Variants in LRP1B observed in about 807,000 individuals in gnomAD.
The protein encoded by LRP1B is LDL receptor related protein 1B, also known as low-density lipoprotein receptor-related protein 1B.
A neutral mutation model predicts 556.6 loss-of-function variants in LRP1B; 217 were observed. That is an observed-to-expected ratio of 0.39 (90% confidence interval 0.35 to 0.44). LRP1B has a LOEUF of 0.44. Among genes scored for constraint, LRP1B ranks in the 20% least tolerant of loss-of-function variants. The pLI, the probability that LRP1B is intolerant of heterozygous loss-of-function variation, is 1.00. For missense variants in LRP1B, 5,053 were observed against 5,620.8 expected (o/e 0.90, Z 3.23); for synonymous variants, 2,047 against 1,865.8 (o/e 1.10, Z -2.50).
intron 2 of LRP1B, among the ~76,000 whole-genome samples, chr2:141,488,020 G>A (rs1574003947): frequency 1.3e-5 from 2 of 152,272 alleles, no homozygotes; most frequent in South Asian, 2.1e-4. Flanking sequence ...GCAAAGGGGA[G>A]TTTTTTGTGG....
intron 3 of LRP1B, among the ~76,000 whole-genome samples, chr2:141,402,212 G>T (rs1314788745): frequency 6.6e-6 from 1 of 151,822 alleles, no homozygotes; most frequent in Non-Finnish European, 1.5e-5. Context: ...ATCATATTTT[G>T]CTTTCTGTTT....
chr2:141,420,240 C>T (rs1680088746), intron 3 of LRP1B, among the ~76,000 whole-genome samples: 1 of 152,270 alleles, frequency 6.6e-6, no homozygotes, highest in East Asian at 1.9e-4. Context: ...GATGAGTTGA[C>T]CATTTTATAA....
intron 1 of LRP1B, among the ~76,000 whole-genome samples, chr2:142,051,434 G>C (rs1443437113): frequency 2.0e-5 from 3 of 151,138 alleles, no homozygotes; most frequent in African/African-American, 7.3e-5. Context: ...GTGGAAAAAA[G>C]TAACTAATAG....
chr2:141,691,581 C>A (rs1056805257), intron 2 of LRP1B, among the ~76,000 whole-genome samples: 1 of 150,962 alleles, frequency 6.6e-6, no homozygotes, highest in Non-Finnish European at 1.5e-5. Flanking sequence ...TATGTCAAAG[C>A]AAATGCGGGG....
intron 88 of LRP1B, 26 bp from the exon 89 acceptor site, chr2:140,238,322 G>C (rs2104882134): frequency 2.4e-6 from 3 of 1,266,696 alleles, no homozygotes; most frequent in African/African-American, 1.5e-5. Flanking sequence ...ATTAATATGT[G>C]TGAGTTTTGT....
intron 6 of LRP1B, among the ~76,000 whole-genome samples, chr2:141,192,815 T>G (rs1681577554): frequency 6.6e-6 from 1 of 152,014 alleles, no homozygotes; most frequent in South Asian, 2.1e-4. Flanking sequence ...AATAAAAATA[T>G]TTTGAAACTT....
chr2:140,297,785 T>G (rs1455104258), intron 84 of LRP1B, 23 bp downstream of exon 84: 3 of 1,593,878 alleles, frequency 1.9e-6, no homozygotes, highest in Non-Finnish European at 2.6e-6. Flanking sequence ...CAAAGCTGGC[T>G]TCTGGGTGCT....
chr2:141,464,373 A>G (rs778038090), intron 3 of LRP1B, among the ~76,000 whole-genome samples: 43 of 151,080 alleles, frequency 2.8e-4, no homozygotes, highest in Non-Finnish European at 2.2e-4. Context: ...TGGAATGTGT[A>G]TTGGATATAC....
chr2:141,971,656 C>T (rs1026499831), intron 1 of LRP1B, among the ~76,000 whole-genome samples: 1 of 151,398 alleles, frequency 6.6e-6, no homozygotes, highest in Non-Finnish European at 1.5e-5. Flanking sequence ...GCCCATAAGG[C>T]ATCAGTGAAA....
rs188113798 is a variant in LRP1B at position 141,481,001 on chromosome 2, A to G, written c.206-468T>C. 2.8e-4 allele frequency among the ~76,000 whole-genome samples: 42 copies of G among 152,306 alleles called. 1 individual carries two copies. The highest frequency in any genetic ancestry group is 5.3e-4 in the Non-Finnish European group (36 of 68,016). ...CATTTACTTGAAGTTATGTCAATCTAAAGGTTATATTTAGTCTGTTCTTTA... is the reference window on the plus strand; with the variant it reads ...CATTTACTTGAAGTTATGTCAATCTGAAGGTTATATTTAGTCTGTTCTTTA... On this transcript the variant is annotated intron_variant, in intron 2 of 90. Coordinates refer to ENST00000389484, the MANE Select transcript of LRP1B (RefSeq NM_018557.3).
chr2:142,095,705 T>C (rs1706336707), intron 1 of LRP1B, among the ~76,000 whole-genome samples: 1 of 151,702 alleles, frequency 6.6e-6, no homozygotes, highest in Non-Finnish European at 1.5e-5. Context: ...CAACATGTAT[T>C]TTTTTGAACT....
chr2:141,850,373 TAG>T (rs1211729393), intron 1 of LRP1B, among the ~76,000 whole-genome samples: 3 of 151,726 alleles, frequency 2.0e-5, no homozygotes, highest in Non-Finnish European at 4.4e-5. Flanking sequence ...CTTTGTGACA[TAG>T]ATAGTATTCT....
At chr2:140,861,045 T>C (rs1222604196) in intron 27 of LRP1B, among the ~76,000 whole-genome samples, 1 of 152,056 alleles carries the variant, frequency 6.6e-6, no homozygotes, top group East Asian at 1.9e-4. Flanking sequence ...CTAATTTATC[T>C]ATTTAAGTTA....
chr2:140,549,696 G>A (rs763362686), intron 43 of LRP1B, among the ~76,000 whole-genome samples: 4 of 152,124 alleles, frequency 2.6e-5, no homozygotes, highest in Admixed American at 6.6e-5. Context: ...CGCTAGGTAC[G>A]CCTTTGCTAC....
At chr2:141,958,147 T>C (rs1408208413) in intron 1 of LRP1B, among the ~76,000 whole-genome samples, 1 of 152,068 alleles carries the variant, frequency 6.6e-6, no homozygotes, top group Non-Finnish European at 1.5e-5. Flanking sequence ...AGCTTTTTAA[T>C]TGTGGGCAGA....
At chr2:140,670,596 G>T (rs1685444063) in intron 41 of LRP1B, among the ~76,000 whole-genome samples, 1 of 152,102 alleles carries the variant, frequency 6.6e-6, no homozygotes, top group Non-Finnish European at 1.5e-5. Context: ...TAGAAGATTG[G>T]ATATTTATTC....
intron 7 of LRP1B, among the ~76,000 whole-genome samples, chr2:141,127,983 T>A (rs1365845789): frequency 6.6e-6 from 1 of 152,152 alleles, no homozygotes; most frequent in African/African-American, 2.4e-5. Flanking sequence ...TCATTTGAAA[T>A]TTTTAAATTA....
chr2:141,146,228 T>TA (rs138745320), intron 7 of LRP1B, among the ~76,000 whole-genome samples: 6,000 of 152,250 alleles, frequency 0.039, 277 homozygotes, highest in African/African-American at 0.11. Context: ...TTCATCTTCT[T>TA]AGTTCACTCT....
At chr2:140,837,706 C>T (rs546776894) in intron 31 of LRP1B, among the ~76,000 whole-genome samples, 5 of 151,536 alleles carry the variant, frequency 3.3e-5, no homozygotes, top group African/African-American at 1.2e-4. Context: ...AACCAAACAC[C>T]GCATATTCTC....
Sources: gnomAD v4.1 joint callset for allele counts (sites outside exome capture counted in the v4.1 genomes callset) on GRCh38, gnomAD v4.1.1 for gene constraint, MANE v1.5 for transcripts, NCBI Gene and HGNC (gene_info 2026-07-23, HGNC 2026-07-21) for gene names.